ARHGAP15: variants seen among roughly 807,000 people sequenced by gnomAD.
The protein encoded by ARHGAP15 is rho GTPase-activating protein 15.
ARHGAP15 carries 51 observed loss-of-function variants against 63.7 expected under a neutral mutation model. The ratio of observed to expected loss-of-function variants is 0.80; its 90% CI spans 0.64 to 1.01. The LOEUF (loss-of-function observed/expected upper bound fraction) is 1.01, where lower values mean the gene tolerates loss of function less well. Among genes scored for constraint, ARHGAP15 ranks in the 50% least tolerant of loss-of-function variants. ARHGAP15 has a pLI of 0.00. For synonymous variants in ARHGAP15, 191 were observed against 193.8 expected (o/e 0.99, Z 0.12); for missense variants, 560 against 564.6 (o/e 0.99, Z 0.08).
At chr2:143,291,218 T>C (rs1217490390) in intron 6 of ARHGAP15, among the ~76,000 whole-genome samples, 1 of 152,176 alleles carries the variant, frequency 6.6e-6, no homozygotes, top group African/African-American at 2.4e-5. Flanking sequence ...CTGAATTCAA[T>C]GCACTTGCAA....
At chr2:143,725,812 G>A (rs373790125) in intron 13 of ARHGAP15, among the ~76,000 whole-genome samples, 2 of 152,246 alleles carry the variant, frequency 1.3e-5, no homozygotes, top group South Asian at 2.1e-4. Flanking sequence ...TGCCGGTGGG[G>A]GTTCAGCATG....
At chr2:143,348,900 T>A (rs145873714) in intron 6 of ARHGAP15, among the ~76,000 whole-genome samples, 15 of 152,266 alleles carry the variant, frequency 9.9e-5, no homozygotes, top group African/African-American at 2.6e-4. Flanking sequence ...GAAAAGTAAA[T>A]TAAGTCAGAA....
rs1257621641 is a variant in ARHGAP15 at position 143,397,644 on chromosome 2, GCA to G, written c.475-37956_475-37955del. Among the ~76,000 whole-genome samples the G allele has an allele frequency of 4.5e-3, 685 of 151,638 alleles. 7 individuals carry two copies. Among genetic ancestry groups the G allele is most frequent in the African/African-American group, 0.016 (655 of 41,396 alleles). On this transcript the variant is annotated intron_variant, in intron 6 of 13. Coordinates refer to ENST00000295095, the MANE Select transcript of ARHGAP15 (RefSeq NM_018460.4). ...TTTTGCTTAACTTTTTTCATAAATA[GCA>G]ATTTAACAAAACCTAACACTTTAAT...
chr2:143,209,909 C>T lies in ARHGAP15; in HGVS notation c.235-6475C>T, dbSNP rs775168894. ...AACACAGAAACAAATGACAATACCT[C>T]TCCCATCCAGCTCCACATTTGAAAT... On this transcript the variant is annotated intron_variant, in intron 3 of 13. Transcript: ENST00000295095. Among the ~76,000 whole-genome samples, 27 of 152,266 alleles carry T rather than the reference C, an allele frequency of 1.8e-4. 1 individual carries two copies. Among genetic ancestry groups the T allele is most frequent in the South Asian group, 6.2e-4 (3 of 4,830 alleles).
At chr2:143,709,281 T>C (rs1684470151) in intron 13 of ARHGAP15, among the ~76,000 whole-genome samples, 1 of 152,172 alleles carries the variant, frequency 6.6e-6, no homozygotes, top group South Asian at 2.1e-4. Flanking sequence ...CAAAAGAACT[T>C]TTATGTACAC....
chr2:143,633,528 CTTTTA>C (rs141987747), intron 12 of ARHGAP15, among the ~76,000 whole-genome samples: 108 of 152,190 alleles, frequency 7.1e-4, no homozygotes, highest in African/African-American at 2.4e-3. Context: ...TTCCTGAAAA[CTTTTA>C]TTTTACTTGC....
chr2:143,758,597 C>T (rs1686660473), intron 13 of ARHGAP15, among the ~76,000 whole-genome samples: 1 of 152,136 alleles, frequency 6.6e-6, no homozygotes, highest in South Asian at 2.1e-4. Flanking sequence ...ACTTCTTCCC[C>T]ATTTCCTAAA....
chr2:143,309,032 T>C (rs1683314832), intron 6 of ARHGAP15, among the ~76,000 whole-genome samples: 2 of 151,932 alleles, frequency 1.3e-5, no homozygotes, highest in Admixed American at 6.6e-5. Flanking sequence ...CATATTGTTC[T>C]TTGTGTGTTA....
chr2:143,660,229 T>TA (rs1370414656), intron 12 of ARHGAP15, among the ~76,000 whole-genome samples: 3 of 152,224 alleles, frequency 2.0e-5, no homozygotes, highest in Non-Finnish European at 4.4e-5. Flanking sequence ...ATTGTATCAA[T>TA]ACATTCCTCC....
At chr2:143,397,035 C>T (rs1319715307) in intron 6 of ARHGAP15, among the ~76,000 whole-genome samples, 1 of 152,022 alleles carries the variant, frequency 6.6e-6, no homozygotes, top group Non-Finnish European at 1.5e-5. Flanking sequence ...ATAGAGTTCT[C>T]CTCCTCCACA....
chr2:143,254,109 A>G (rs1482016621), intron 6 of ARHGAP15, among the ~76,000 whole-genome samples: 1 of 152,158 alleles, frequency 6.6e-6, no homozygotes. Flanking sequence ...TTCAAACCAC[A>G]TGTTTTAAAC....
chr2:143,131,146 A>G (rs1489940580), intron 1 of ARHGAP15, among the ~76,000 whole-genome samples: 1 of 152,216 alleles, frequency 6.6e-6, no homozygotes, highest in Non-Finnish European at 1.5e-5. Context: ...TTTATGGAAT[A>G]TGTGTAAAAT....
At chr2:143,731,584 T>C (rs924867678) in intron 13 of ARHGAP15, among the ~76,000 whole-genome samples, 9 of 152,186 alleles carry the variant, frequency 5.9e-5, no homozygotes, top group Non-Finnish European at 8.8e-5. Context: ...TGGCTCAATA[T>C]CCTGCTCTTT....
intron 6 of ARHGAP15, among the ~76,000 whole-genome samples, chr2:143,363,511 A>G (rs996729416): frequency 2.0e-5 from 3 of 152,188 alleles, no homozygotes; most frequent in Non-Finnish European, 4.4e-5. Flanking sequence ...AGAAAAAAAG[A>G]ATGAAAAATA....
At chr2:143,226,708 C>T (rs796239879) in intron 4 of ARHGAP15, among the ~76,000 whole-genome samples, 34 of 152,240 alleles carry the variant, frequency 2.2e-4, no homozygotes, top group African/African-American at 8.2e-4. Flanking sequence ...AAAATTGATA[C>T]TCTTCATTTA....
At chr2:143,752,842 A>G (rs1433796872) in intron 13 of ARHGAP15, among the ~76,000 whole-genome samples, 1 of 152,134 alleles carries the variant, frequency 6.6e-6, no homozygotes, top group East Asian at 1.9e-4. Flanking sequence ...CTTTATACTG[A>G]CTGACTGAGT....
intron 13 of ARHGAP15, among the ~76,000 whole-genome samples, chr2:143,736,526 G>T (rs1033054188): frequency 6.6e-6 from 1 of 152,140 alleles, no homozygotes; most frequent in Non-Finnish European, 1.5e-5. Flanking sequence ...TACACAAAGT[G>T]TAGAGTGTAT....
At chr2:143,591,042 T>A (rs1294094062) in intron 11 of ARHGAP15, among the ~76,000 whole-genome samples, 1 of 152,192 alleles carries the variant, frequency 6.6e-6, no homozygotes, top group Admixed American at 6.5e-5. Flanking sequence ...CCAGGAGTTA[T>A]TTCTTCATAA....
At chr2:143,208,090 T>C (rs1337776476) in intron 3 of ARHGAP15, among the ~76,000 whole-genome samples, 6 of 152,148 alleles carry the variant, frequency 3.9e-5, no homozygotes, top group African/African-American at 4.8e-5. Flanking sequence ...TACAGGAAAA[T>C]ACTTCTGAGA....
Sources: allele counts gnomAD v4.1 joint callset (sites outside exome capture counted in the v4.1 genomes callset), GRCh38; gene constraint gnomAD v4.1.1; transcripts MANE v1.5; gene names NCBI Gene and HGNC (gene_info 2026-07-23, HGNC 2026-07-21).